Variants in EFNA5 observed in about 807,000 individuals in gnomAD.
The protein encoded by EFNA5 is ephrin-A5.
A neutral mutation model predicts 22.9 loss-of-function variants in EFNA5; 5 were observed. That is an observed-to-expected ratio of 0.22 (90% CI 0.11 to 0.46). The LOEUF (loss-of-function observed/expected upper bound fraction) is 0.46, where lower values mean the gene tolerates loss of function less well. EFNA5 is among the 20% of genes least tolerant of loss of function. The pLI is 0.99. For missense variants in EFNA5, 237 were observed against 293.3 expected (o/e 0.81, Z 1.40); for synonymous variants, 113 against 112.2 (o/e 1.01, Z -0.04).
chr5:107,657,409 T>G (rs2112557580), intron 1 of EFNA5, among the ~76,000 whole-genome samples: 1 of 152,226 alleles, frequency 6.6e-6, no homozygotes, highest in South Asian at 2.1e-4. Flanking sequence ...GCTAAGTGCT[T>G]GTCACCCCCA....
intron 4 of EFNA5, among the ~76,000 whole-genome samples, chr5:107,382,522 A>G (rs1747497520): frequency 1.3e-5 from 2 of 152,058 alleles, no homozygotes; most frequent in Non-Finnish European, 1.5e-5. Context: ...CCAGGTGTGA[A>G]CCACGATGCC....
intron 1 of EFNA5, among the ~76,000 whole-genome samples, chr5:107,434,299 T>C (rs577649503): frequency 4.0e-4 from 61 of 152,318 alleles, no homozygotes; most frequent in Non-Finnish European, 7.8e-4. Flanking sequence ...ATGATTTTCA[T>C]GGTGCCGACC....
intron 1 of EFNA5, among the ~76,000 whole-genome samples, chr5:107,539,504 G>C (rs1442654911): frequency 1.3e-5 from 2 of 152,178 alleles, no homozygotes; most frequent in African/African-American, 2.4e-5. Context: ...TTTTGCCCAG[G>C]CTGAAGTGCA....
chr5:107,593,883 A>G (rs1474238509), intron 1 of EFNA5, among the ~76,000 whole-genome samples: 1 of 152,184 alleles, frequency 6.6e-6, no homozygotes, highest in African/African-American at 2.4e-5. Flanking sequence ...TCTTCTTTCC[A>G]CCTGAAAATC....
intron 2 of EFNA5, among the ~76,000 whole-genome samples, chr5:107,402,676 G>C (rs1011879562): frequency 3.3e-5 from 5 of 152,198 alleles, no homozygotes; most frequent in African/African-American, 1.2e-4. Flanking sequence ...GATAGCAACA[G>C]GGGGAAAGGA....
At chr5:107,524,821 G>A (rs1015119023) in intron 1 of EFNA5, among the ~76,000 whole-genome samples, 1 of 152,114 alleles carries the variant, frequency 6.6e-6, no homozygotes, top group African/African-American at 2.4e-5. Flanking sequence ...TACCACTTTT[G>A]CAATTTTAGA....
intron 1 of EFNA5, among the ~76,000 whole-genome samples, chr5:107,472,101 T>C (rs1224356396): frequency 1.3e-5 from 2 of 152,220 alleles, no homozygotes; most frequent in Non-Finnish European, 2.9e-5. Flanking sequence ...TAAAGTTTGA[T>C]TGAATAATTT....
At chr5:107,598,095 A>G (rs573545916) in intron 1 of EFNA5, among the ~76,000 whole-genome samples, 2 of 152,200 alleles carry the variant, frequency 1.3e-5, no homozygotes, top group African/African-American at 2.4e-5. Context: ...ATAAAGTAAT[A>G]TATGTAGGAG....
At chr5:107,629,300 G>A (rs1016935769) in intron 1 of EFNA5, among the ~76,000 whole-genome samples, 10 of 152,042 alleles carry the variant, frequency 6.6e-5, no homozygotes, top group African/African-American at 2.2e-4. Flanking sequence ...ATATGAAACT[G>A]TATTTAAAAA....
intron 1 of EFNA5, among the ~76,000 whole-genome samples, chr5:107,437,678 C>CTG (rs1345737254): frequency 3.0e-4 from 46 of 152,184 alleles, no homozygotes; most frequent in Admixed American, 2.7e-3. Flanking sequence ...ATAGTAGCGA[C>CTG]TACATAGATG....
chr5:107,454,969 G>C (rs570259861), intron 1 of EFNA5, among the ~76,000 whole-genome samples: 10 of 152,236 alleles, frequency 6.6e-5, no homozygotes, highest in African/African-American at 2.4e-4. Context: ...CATGAACAGA[G>C]GTGGTTTTAT....
intron 1 of EFNA5, among the ~76,000 whole-genome samples, chr5:107,571,341 A>G (rs1227776270): frequency 2.0e-5 from 3 of 152,126 alleles, no homozygotes; most frequent in Non-Finnish European, 4.4e-5. Flanking sequence ...ATAAAGCACC[A>G]CATTGTGGTA....
At chr5:107,506,273 T>C (rs1199919977) in intron 1 of EFNA5, 1 of 152,246 alleles carries the variant, frequency 6.6e-6, no homozygotes, top group African/African-American at 2.4e-5. Context: ...GCATGTTTGC[T>C]CTTTTTATTC....
intron 2 of EFNA5, among the ~76,000 whole-genome samples, chr5:107,415,439 C>T (rs370477400): frequency 1.0e-3 from 155 of 152,302 alleles, no homozygotes; most frequent in African/African-American, 3.7e-3. Flanking sequence ...CTCTCCACTC[C>T]ATTCAGACCT....
intron 1 of EFNA5, among the ~76,000 whole-genome samples, chr5:107,561,516 G>A (rs915445352): frequency 6.6e-6 from 1 of 152,026 alleles, no homozygotes; most frequent in Non-Finnish European, 1.5e-5. Context: ...TTACAGGAGT[G>A]TGCCACCATG....
intron 1 of EFNA5, among the ~76,000 whole-genome samples, chr5:107,556,789 T>A (rs375584930): frequency 0.057 from 3,991 of 70,560 alleles, 307 homozygotes; most frequent in African/African-American, 0.24. Context: ...AATAAATAAA[T>A]AAAATAAAAT....
chr5:107,549,737 C>G (rs1429179630), intron 1 of EFNA5, among the ~76,000 whole-genome samples: 5 of 152,244 alleles, frequency 3.3e-5, no homozygotes, highest in African/African-American at 1.2e-4. Context: ...AGGGATGTCC[C>G]TGTAAGAGTC....
In EFNA5 at chr5:107,380,410, A is replaced by AAAAAAT. The variant is rs1747410897; in HGVS notation, c.*844_*845insATTTTT. The AAAAAAT allele has an allele frequency of 7.2e-6, 1 of 138,086 alleles. No homozygotes were observed. Among genetic ancestry groups the AAAAAAT allele is most frequent in the African/African-American group, 2.8e-5 (1 of 35,420 alleles). 8.6% of individuals were successfully genotyped at this position (138,086 alleles called of 1,614,324 possible). A position where few individuals can be genotyped will look rare whatever the true frequency, so the allele number is the denominator to read the frequency against. On this transcript the variant is annotated 3_prime_UTR_variant, in exon 5 of 5. Coordinates refer to ENST00000333274, the MANE Select transcript of EFNA5 (RefSeq NM_001962.3). ...AAAAAAAAAAAAAAAAAAAAAAAAAAAGTTGTAGCACCATGGTGATCTGTA... is the reference window on the plus strand; with the variant it reads ...AAAAAAAAAAAAAAAAAAAAAAAAAAAAAAATAGTTGTAGCACCATGGTGATCTGTA...
At chr5:107,473,932 T>A (rs898863196) in intron 1 of EFNA5, among the ~76,000 whole-genome samples, 1 of 152,172 alleles carries the variant, frequency 6.6e-6, no homozygotes, top group East Asian at 1.9e-4. Context: ...GTGCTGGGAT[T>A]ACAGGCATGA....
Sources: allele counts gnomAD v4.1 joint callset (sites outside exome capture counted in the v4.1 genomes callset), GRCh38; gene constraint gnomAD v4.1.1; transcripts MANE v1.5; gene names NCBI Gene and HGNC (gene_info 2026-07-23, HGNC 2026-07-21).